LUZP2: variants seen among roughly 807,000 people sequenced by gnomAD.
The protein encoded by LUZP2 is leucine zipper protein 2.
LUZP2 carries 52 observed loss-of-function variants against 51.6 expected under a neutral mutation model. The ratio of observed to expected loss-of-function variants is 1.01; its 90% confidence interval spans 0.81 to 1.27. The LOEUF (loss-of-function observed/expected upper bound fraction) is 1.27, where lower values mean the gene tolerates loss of function less well. Ranked by LOEUF, LUZP2 falls within the 50% of genes most tolerant of loss-of-function variation. The pLI is 0.00. For missense variants in LUZP2, 436 were observed against 395.4 expected, an observed-to-expected ratio of 1.10 and a Z score of -0.87; for synonymous variants, 154 against 137.3, an observed-to-expected ratio of 1.12 and a Z score of -0.85.
At chr11:24,889,588 C>T (rs1295482967) in intron 5 of LUZP2, among the ~76,000 whole-genome samples, 1 of 152,134 alleles carries the variant, frequency 6.6e-6, no homozygotes, top group African/African-American at 2.4e-5. Context: ...GTGTCCTGTG[C>T]CACCATGTTT....
At chr11:25,068,057 T>C (rs966646980) in intron 10 of LUZP2, among the ~76,000 whole-genome samples, 2 of 151,684 alleles carry the variant, frequency 1.3e-5, no homozygotes, top group African/African-American at 2.4e-5. Flanking sequence ...CAGCAAACTA[T>C]CACAAGGACA....
rs58870609 is a variant in LUZP2 at position 24,611,055 on chromosome 11, G to GTT, written c.62+113758_62+113759dup. ...AATGTACCTTACATGACATAGCTTT[G>GTT]TTTTTTTTTATTTTTATTTTTTGTT... On this transcript the variant is annotated intron_variant, in intron 1 of 11. Transcript: ENST00000336930. The surrounding 1 kb of genome is among the most constrained non-coding windows in gnomAD (Gnocchi z 4.6). 6.0e-5 allele frequency among the ~76,000 whole-genome samples: 9 copies of GTT among 150,946 alleles called. 1 individual carries two copies. Among genetic ancestry groups the GTT allele is most frequent in the Admixed American group, 2.0e-4 (3 of 15,146 alleles).
chr11:24,705,980 A>C (rs1857569099), intron 1 of LUZP2, among the ~76,000 whole-genome samples: 1 of 151,912 alleles, frequency 6.6e-6, no homozygotes. Flanking sequence ...GCCTATTTAG[A>C]AAGCATTGAG....
intron 1 of LUZP2, among the ~76,000 whole-genome samples, chr11:24,592,361 G>A (rs1853290201): frequency 6.6e-6 from 1 of 152,094 alleles, no homozygotes; most frequent in South Asian, 2.1e-4. Context: ...TTGGTAGCAG[G>A]AGTACTGTCA....
intron 5 of LUZP2, among the ~76,000 whole-genome samples, chr11:24,845,322 C>T (rs1851167184): frequency 6.6e-6 from 1 of 152,170 alleles, no homozygotes; most frequent in South Asian, 2.1e-4. Context: ...ACTTATATAG[C>T]CTCTTTGTCT....
rs1288198600 is a variant in LUZP2 at position 25,081,653 on chromosome 11, TAAC to T, written c.*2999_*3001del. On this transcript the variant is annotated 3_prime_UTR_variant, in exon 12 of 12. Transcript: ENST00000336930. ...GGGGCCATTTCTCACATATTTTAAT[TAAC>T]AACTAAATAAACAGACGTTGTTTTA... 12 of 152,172 alleles carry T rather than the reference TAAC, an allele frequency of 7.9e-5. No homozygotes were observed. Among genetic ancestry groups the T allele is most frequent in the Admixed American group, 7.9e-4 (12 of 15,276 alleles). 9.4% of individuals were successfully genotyped at this position (152,172 alleles called of 1,614,324 possible).
intron 1 of LUZP2, among the ~76,000 whole-genome samples, chr11:24,536,232 C>A (rs11027988): frequency 6.6e-6 from 1 of 151,564 alleles, no homozygotes; most frequent in Non-Finnish European, 1.5e-5. Context: ...TCAGTGAACA[C>A]TGGCTTCAAC....
chr11:24,859,760 C>T (rs1411054271), intron 5 of LUZP2, among the ~76,000 whole-genome samples: 2 of 152,184 alleles, frequency 1.3e-5, no homozygotes, highest in Non-Finnish European at 2.9e-5. Context: ...AACCCCTTTC[C>T]CCCAGCCAAA....
At chr11:24,520,249 AGGT>A in intron 1 of LUZP2, among the ~76,000 whole-genome samples, 1 of 151,596 alleles carries the variant, frequency 6.6e-6, no homozygotes, top group South Asian at 2.1e-4. Context: ...TTACAAAAAA[AGGT>A]TAATATCTAC....
intron 7 of LUZP2, among the ~76,000 whole-genome samples, chr11:24,974,003 TTGG>T (rs1855819001): frequency 6.6e-6 from 1 of 152,146 alleles, no homozygotes; most frequent in South Asian, 2.1e-4. Context: ...ATTTTCTGTC[TTGG>T]TGATGTGTCT....
At chr11:24,920,820 A>T (rs1284388559) in intron 7 of LUZP2, among the ~76,000 whole-genome samples, 1 of 152,128 alleles carries the variant, frequency 6.6e-6, no homozygotes, top group African/African-American at 2.4e-5. Context: ...GTACTGGAAG[A>T]TGAGAAATTA....
chr11:24,580,907 T>C (rs1210618401), intron 1 of LUZP2, among the ~76,000 whole-genome samples: 3 of 152,122 alleles, frequency 2.0e-5, no homozygotes, highest in Non-Finnish European at 4.4e-5. Flanking sequence ...TTTATCTCTA[T>C]TATTCATTTT....
At chr11:24,565,622 G>T (rs1228390735) in intron 1 of LUZP2, among the ~76,000 whole-genome samples, 2 of 152,054 alleles carry the variant, frequency 1.3e-5, no homozygotes, top group African/African-American at 4.8e-5. Flanking sequence ...GATTCCAAAG[G>T]TTTCACTGGT....
intron 1 of LUZP2, among the ~76,000 whole-genome samples, chr11:24,599,043 C>A (rs1304835449): frequency 1.3e-5 from 2 of 152,048 alleles, no homozygotes; most frequent in Non-Finnish European, 2.9e-5. Context: ...TAACAGAGGG[C>A]AAAATTTCCC....
chr11:24,763,049 A>AG (rs1375009273), intron 4 of LUZP2, 197 bp from the exon 5 acceptor site: 1 of 608,986 alleles, frequency 1.6e-6, no homozygotes, highest in Non-Finnish European at 2.1e-6. Context: ...TAAATGAAAA[A>AG]AGATATTTTA....
intron 1 of LUZP2, among the ~76,000 whole-genome samples, chr11:24,623,573 C>G (rs549579049): frequency 6.6e-6 from 1 of 152,120 alleles, no homozygotes; most frequent in Admixed American, 6.5e-5. Context: ...ATGCCAGGCA[C>G]AGTGGCTCAC....
intron 1 of LUZP2, among the ~76,000 whole-genome samples, chr11:24,592,392 C>T (rs922549351): frequency 5.3e-5 from 8 of 152,060 alleles, no homozygotes; most frequent in African/African-American, 1.9e-4. Flanking sequence ...ATTTGTAATA[C>T]TTTATGTAAT....
intron 5 of LUZP2, among the ~76,000 whole-genome samples, chr11:24,871,561 T>C (rs1852073646): frequency 6.6e-6 from 1 of 152,062 alleles, no homozygotes; most frequent in Admixed American, 6.6e-5. Flanking sequence ...CTAGTATAAG[T>C]TATGCAACTT....
At chr11:24,685,343 A>G (rs181441445) in intron 1 of LUZP2, among the ~76,000 whole-genome samples, 2 of 152,238 alleles carry the variant, frequency 1.3e-5, no homozygotes, top group Non-Finnish European at 2.9e-5. Flanking sequence ...CTAAAAACCA[A>G]CGTTAAAGTC....
Sources: gnomAD v4.1 joint callset for allele counts (sites outside exome capture counted in the v4.1 genomes callset) on GRCh38, gnomAD v4.1.1 for gene constraint, Gnocchi (gnomAD v3.1) non-coding constraint, MANE v1.5 for transcripts, NCBI Gene and HGNC (gene_info 2026-07-23, HGNC 2026-07-21) for gene names.